Variants in NALF1 observed in about 807,000 individuals in gnomAD.
NALF1 encodes family with sequence similarity 155 member A.
In NALF1, 3 loss-of-function variants were observed where a neutral mutation model predicts 48.4. The observed-to-expected ratio is 0.06, with a 90% confidence interval of 0.03 to 0.16. NALF1 has a LOEUF of 0.16. NALF1 is among the 10% of genes least tolerant of loss of function. The pLI is 1.00. For synonymous variants in NALF1, 262 were observed against 245.7 expected, an observed-to-expected ratio of 1.07 and a Z score of -0.62; for missense variants, 526 against 571.5, an observed-to-expected ratio of 0.92 and a Z score of 0.81.
chr13:107,282,272 A>G lies in NALF1; in HGVS notation c.916-71517T>C, dbSNP rs570005737. On this transcript the variant is annotated intron_variant, in intron 1 of 2. Transcript: ENST00000375915. ...AACACATATGACAAATAATAGCGTGAATAATAGCAGTGATAAGCGAATGCT... is the reference window on the plus strand; with the variant it reads ...AACACATATGACAAATAATAGCGTGGATAATAGCAGTGATAAGCGAATGCT... Among the ~76,000 whole-genome samples the G allele has an allele frequency of 3.7e-3, 558 of 152,352 alleles. 3 individuals carry two copies. Among genetic ancestry groups the G allele is most frequent in the Non-Finnish European group, 5.6e-3 (378 of 68,020 alleles).
intron 1 of NALF1, among the ~76,000 whole-genome samples, chr13:107,860,194 C>A (rs1880534101): frequency 6.6e-6 from 1 of 152,192 alleles, no homozygotes; most frequent in Non-Finnish European, 1.5e-5. Context: ...CCTTCTAGCA[C>A]ATTCCCTAAC....
intron 1 of NALF1, among the ~76,000 whole-genome samples, chr13:107,227,015 C>T (rs1179087075): frequency 6.6e-6 from 1 of 152,208 alleles, no homozygotes; most frequent in Non-Finnish European, 1.5e-5. Context: ...TCCAGACATT[C>T]TTGCACTATC....
intron 1 of NALF1, among the ~76,000 whole-genome samples, chr13:107,398,386 C>CA (rs11369345): frequency 0.48 from 61,266 of 128,172 alleles, 13,095 homozygotes; most frequent in African/African-American, 0.52. Flanking sequence ...AACAAACATC[C>CA]AAAAAAAAAA....
intron 1 of NALF1, among the ~76,000 whole-genome samples, chr13:107,850,709 C>T (rs1880286876): frequency 6.6e-6 from 1 of 152,102 alleles, no homozygotes; most frequent in Non-Finnish European, 1.5e-5. Flanking sequence ...TCAATACCAG[C>T]CTGGCCAACA....
At chr13:107,537,923 C>G (rs934897772) in intron 1 of NALF1, among the ~76,000 whole-genome samples, 1 of 152,032 alleles carries the variant, frequency 6.6e-6, no homozygotes, top group East Asian at 1.9e-4. Context: ...GACACTGAGG[C>G]AGGAGAACTG....
At chr13:107,675,545 T>C (rs1881097407) in intron 1 of NALF1, among the ~76,000 whole-genome samples, 1 of 152,240 alleles carries the variant, frequency 6.6e-6, no homozygotes. Context: ...GTATCTTCAA[T>C]CATATTGAAG....
At chr13:107,585,945 T>C (rs532160417) in intron 1 of NALF1, among the ~76,000 whole-genome samples, 4 of 152,100 alleles carry the variant, frequency 2.6e-5, no homozygotes, top group Non-Finnish European at 5.9e-5. Flanking sequence ...ACTGGAACAT[T>C]TGCTTATGAT....
chr13:107,556,080 T>G (rs1877464996), intron 1 of NALF1, among the ~76,000 whole-genome samples: 1 of 152,002 alleles, frequency 6.6e-6, no homozygotes, highest in Non-Finnish European at 1.5e-5. Flanking sequence ...TATTATTCAC[T>G]TGAAAGTAAT....
intron 1 of NALF1, among the ~76,000 whole-genome samples, chr13:107,215,551 G>A (rs1242607374): frequency 6.6e-6 from 1 of 152,136 alleles, no homozygotes; most frequent in South Asian, 2.1e-4. Context: ...AGCCTCCGGA[G>A]ACAGACCGAG....
chr13:107,613,396 G>A (rs1004262786), intron 1 of NALF1, among the ~76,000 whole-genome samples: 6 of 152,114 alleles, frequency 3.9e-5, no homozygotes, highest in African/African-American at 9.7e-5. Flanking sequence ...GGCCAACTGG[G>A]GAATGCCTTT....
intron 1 of NALF1, among the ~76,000 whole-genome samples, chr13:107,283,469 C>A (rs1171609907): frequency 5.9e-5 from 9 of 151,604 alleles, no homozygotes; most frequent in Admixed American, 5.9e-4. Context: ...AAATTGGCAA[C>A]ACAAATCGGT....
At chr13:107,821,494 G>A (rs1879361616) in intron 1 of NALF1, among the ~76,000 whole-genome samples, 1 of 152,184 alleles carries the variant, frequency 6.6e-6, no homozygotes, top group Non-Finnish European at 1.5e-5. Flanking sequence ...CTTCTCTGCA[G>A]AATTCTTTCC....
At chr13:107,247,992 A>G (rs1177486341) in intron 1 of NALF1, among the ~76,000 whole-genome samples, 3 of 152,170 alleles carry the variant, frequency 2.0e-5, no homozygotes, top group Non-Finnish European at 4.4e-5. Context: ...AAGAGCACCA[A>G]CAATGATCAA....
intron 1 of NALF1, among the ~76,000 whole-genome samples, chr13:107,509,668 A>G (rs1003729480): frequency 2.6e-5 from 4 of 152,172 alleles, no homozygotes; most frequent in African/African-American, 9.7e-5. Flanking sequence ...GGATTAATAC[A>G]ATCAGAAGTC....
chr13:107,576,834 A>G (rs1312360789), intron 1 of NALF1, among the ~76,000 whole-genome samples: 2 of 152,202 alleles, frequency 1.3e-5, no homozygotes, highest in Non-Finnish European at 2.9e-5. Context: ...AATATTTCGT[A>G]GTCTCAGTGT....
Position 107,298,351 on chromosome 13 carries a change from C to CAAAAAAAAAAA in NALF1, c.916-87607_916-87597dup, listed in dbSNP as rs1192707023. ...GGCGACAGAGAGAGAGACTCCATCTCAAAAAAAAAAAAAAAAAAAAAAAAA... is the reference window on the plus strand; with the variant it reads ...GGCGACAGAGAGAGAGACTCCATCTCAAAAAAAAAAAAAAAAAAAAAAAAAAAAAAAAAAAA... On this transcript the variant is annotated intron_variant, in intron 1 of 2. Coordinates refer to ENST00000375915, the MANE Select transcript of NALF1 (RefSeq NM_001080396.3). Among the ~76,000 whole-genome samples the CAAAAAAAAAAA allele has an allele frequency of 1.2e-3, 20 of 16,624 alleles. 1 individual carries two copies. The highest frequency in any genetic ancestry group is 1.5e-3 in the Admixed American group (1 of 684). The allele number at this position is 16,624 out of a possible 152,430, so 10.9% of individuals were successfully genotyped here.
chr13:107,508,630 T>C (rs980956304), intron 1 of NALF1, among the ~76,000 whole-genome samples: 1 of 152,098 alleles, frequency 6.6e-6, no homozygotes, highest in Admixed American at 6.6e-5. Context: ...GACTTCAGCA[T>C]AACCTTTCAA....
rs74116003 is a variant in NALF1 at position 107,294,915 on chromosome 13, G to A, written c.916-84160C>T. 8.7e-3 allele frequency among the ~76,000 whole-genome samples: 1,321 copies of A among 152,230 alleles called. 23 individuals carry two copies. The highest frequency in any genetic ancestry group is 0.03 in the African/African-American group (1,241 of 41,548). On this transcript the variant is annotated intron_variant, in intron 1 of 2. Transcript: ENST00000375915. ...AACATTTCACTGAAGAAAGAATATTGGAAATGAGACTTCTCTCTGAGCTTC... is the reference window on the plus strand; with the variant it reads ...AACATTTCACTGAAGAAAGAATATTAGAAATGAGACTTCTCTCTGAGCTTC...
intron 1 of NALF1, among the ~76,000 whole-genome samples, chr13:107,240,279 C>A (rs925605527): frequency 2.6e-5 from 4 of 152,136 alleles, no homozygotes; most frequent in African/African-American, 9.7e-5. Flanking sequence ...ATCAAATCTA[C>A]CCATTCTTTG....
Sources: gnomAD v4.1 joint callset for allele counts (sites outside exome capture counted in the v4.1 genomes callset) on GRCh38, gnomAD v4.1.1 for gene constraint, MANE v1.5 for transcripts, NCBI Gene and HGNC (gene_info 2026-07-23, HGNC 2026-07-21) for gene names.